Variants in ANO3 observed in about 807,000 individuals in gnomAD.
ANO3 encodes anoctamin 3.
A neutral mutation model predicts 144.8 loss-of-function variants in ANO3; 99 were observed. The ratio of observed to expected loss-of-function variants is 0.68; its 90% CI spans 0.58 to 0.81. The LOEUF is 0.81. ANO3 is among the 30% of genes least tolerant of loss of function. The pLI, the probability that ANO3 is intolerant of heterozygous loss-of-function variation, is 0.00. For synonymous variants in ANO3, 414 were observed against 392.6 expected (o/e 1.05, Z -0.64); for missense variants, 905 against 1,202.2 (o/e 0.75, Z 3.66).
At chr11:26,412,526 T>A (rs932089559) in intron 1 of ANO3, among the ~76,000 whole-genome samples, 6 of 152,016 alleles carry the variant, frequency 3.9e-5, no homozygotes, top group African/African-American at 1.2e-4. Context: ...TGTGTGAAGG[T>A]ATATTTTGAG....
intron 1 of ANO3, 144 bp downstream of exon 1, chr11:26,332,465 A>G (rs1855079420): frequency 2.7e-6 from 2 of 732,486 alleles, no homozygotes; most frequent in Non-Finnish European, 4.4e-6. Context: ...AAAAAATTAA[A>G]TTCCTCTTCA....
At chr11:26,304,366 G>A (rs973588139) in intron 1 of ANO3, among the ~76,000 whole-genome samples, 3 of 151,980 alleles carry the variant, frequency 2.0e-5, no homozygotes, top group Admixed American at 6.6e-5. Context: ...GACCTAGTGA[G>A]GAGTACTAAT....
At chr11:26,365,042 G>A (rs1290095266) in intron 1 of ANO3, among the ~76,000 whole-genome samples, 1 of 152,198 alleles carries the variant, frequency 6.6e-6, no homozygotes, top group Non-Finnish European at 1.5e-5. Context: ...AAGATACAAT[G>A]GGGGTATTGG....
At chr11:26,624,003 G>C (rs745915147) in intron 17 of ANO3, among the ~76,000 whole-genome samples, 24 of 151,932 alleles carry the variant, frequency 1.6e-4, no homozygotes, top group Non-Finnish European at 2.4e-4. Context: ...AGCCAGGATG[G>C]TCTCGATCTC....
intron 5 of ANO3, among the ~76,000 whole-genome samples, chr11:26,509,953 C>A (rs914369203): frequency 6.6e-6 from 1 of 151,698 alleles, no homozygotes; most frequent in Non-Finnish European, 1.5e-5. Context: ...ATCATCCTGG[C>A]CAACGTGGTG....
Position 26,429,354 on chromosome 11 carries a change from C to G in ANO3, c.47-12564C>G, listed in dbSNP as rs546649803. On this transcript the variant is annotated intron_variant, in intron 1 of 26. Coordinates refer to ENST00000256737, the MANE Select transcript of ANO3 (RefSeq NM_031418.4). The stretch of plus-strand genomic sequence containing the variant: ...GGATATCACTTAAGCTAATACCAAA[C>G]AGTAGAATTCTAAGTAAGGAAAGGG... 6.0e-5 allele frequency among the ~76,000 whole-genome samples: 9 copies of G among 150,760 alleles called. No homozygotes were observed. The South Asian group carries it at 1.7e-3, about 28-fold the overall frequency.
intron 8 of ANO3, among the ~76,000 whole-genome samples, chr11:26,531,765 T>A (rs1248056410): frequency 1.3e-5 from 2 of 152,222 alleles, no homozygotes; most frequent in African/African-American, 4.8e-5. Flanking sequence ...CTATTTTAGT[T>A]CAATCTTATT....
At chr11:26,579,703 G>C (rs1469482287) in intron 14 of ANO3, among the ~76,000 whole-genome samples, 2 of 152,128 alleles carry the variant, frequency 1.3e-5, no homozygotes, top group African/African-American at 4.8e-5. Context: ...AAAAGCAAAA[G>C]AAAGTATTAA....
intron 1 of ANO3, among the ~76,000 whole-genome samples, chr11:26,235,481 C>T (rs1156482588): frequency 6.6e-6 from 1 of 151,782 alleles, no homozygotes; most frequent in Non-Finnish European, 1.5e-5. Flanking sequence ...AAATTTCATT[C>T]TCATTATCCA....
At chr11:26,615,394 T>TTATATATATATA (rs201511864) in intron 17 of ANO3, among the ~76,000 whole-genome samples, 4 of 128,898 alleles carry the variant, frequency 3.1e-5, no homozygotes, top group African/African-American at 8.9e-5. Flanking sequence ...TTCTGTCAGT[T>TTATATATATATA]TATATATATA....
chr11:26,391,935 A>G (rs16915622), intron 1 of ANO3, among the ~76,000 whole-genome samples: 21,810 of 152,012 alleles, frequency 0.14, 1,688 homozygotes, highest in South Asian at 0.27. Context: ...CACCATTTTG[A>G]TGTCTCAGTC....
chr11:26,549,660 A>G (rs1849880186), intron 12 of ANO3, among the ~76,000 whole-genome samples: 1 of 151,970 alleles, frequency 6.6e-6, no homozygotes, highest in African/African-American at 2.4e-5. Flanking sequence ...GTATATACAT[A>G]CATGTATATA....
At chr11:26,364,453 T>A (rs926955338) in intron 1 of ANO3, among the ~76,000 whole-genome samples, 6 of 152,216 alleles carry the variant, frequency 3.9e-5, no homozygotes, top group Non-Finnish European at 7.3e-5. Context: ...AAAGAAATAC[T>A]TGAGAGAAAG....
At chr11:26,257,928 A>T (rs1165797202) in intron 1 of ANO3, among the ~76,000 whole-genome samples, 2 of 152,142 alleles carry the variant, frequency 1.3e-5, no homozygotes, top group African/African-American at 2.4e-5. Context: ...CTACAGAAAA[A>T]TTTACATAGC....
chr11:26,600,248 C>A (rs1277585078), intron 17 of ANO3, among the ~76,000 whole-genome samples: 1 of 113,844 alleles, frequency 8.8e-6, no homozygotes. Flanking sequence ...CCTTTCCTCT[C>A]CTCTCCTCTC....
chr11:26,422,433 C>T (rs1857780123), intron 1 of ANO3, among the ~76,000 whole-genome samples: 2 of 152,132 alleles, frequency 1.3e-5, no homozygotes, highest in South Asian at 2.1e-4. Context: ...AATTACATGT[C>T]TTGGACCTTC....
chr11:26,282,726 C>T (rs183547945), intron 1 of ANO3, among the ~76,000 whole-genome samples: 1 of 152,186 alleles, frequency 6.6e-6, no homozygotes, highest in East Asian at 1.9e-4. Context: ...TCTTACCAAG[C>T]ATCAGGGAAG....
chr11:26,208,507 C>A (rs1349888766), intron 1 of ANO3, among the ~76,000 whole-genome samples: 4 of 120,578 alleles, frequency 3.3e-5, no homozygotes, highest in Middle Eastern at 3.5e-3. Context: ...AGCAAGACTC[C>A]GTCTCAAAAA....
chr11:26,429,207 C>A (rs1003874284), intron 1 of ANO3, among the ~76,000 whole-genome samples: 17 of 152,104 alleles, frequency 1.1e-4, no homozygotes, highest in African/African-American at 4.1e-4. Flanking sequence ...CTACTGGCTG[C>A]CATGCACTGT....
Sources: gnomAD v4.1 joint callset for allele counts (sites outside exome capture counted in the v4.1 genomes callset) on GRCh38, gnomAD v4.1.1 for gene constraint, MANE v1.5 for transcripts, NCBI Gene and HGNC (gene_info 2026-07-23, HGNC 2026-07-21) for gene names.